The following TSPAN9 variants were observed in gnomAD, a reference collection of about 807,000 sequenced individuals.
TSPAN9 encodes the protein tetraspanin 9.
TSPAN9 carries 16 observed loss-of-function variants against 31.0 expected under a neutral mutation model. The observed-to-expected ratio is 0.52, with a 90% CI of 0.35 to 0.78. TSPAN9 has a LOEUF of 0.78. Among genes scored for constraint, TSPAN9 ranks in the 30% least tolerant of loss-of-function variants. TSPAN9 has a pLI of 0.01. For synonymous variants in TSPAN9, 145 were observed against 121.6 expected, an observed-to-expected ratio of 1.19 and a Z score of -1.27; for missense variants, 272 against 312.5, an observed-to-expected ratio of 0.87 and a Z score of 0.98.
chr12:3,220,076 C>T (rs528801632), intron 3 of TSPAN9, among the ~76,000 whole-genome samples: 2 of 149,886 alleles, frequency 1.3e-5, no homozygotes, highest in African/African-American at 2.5e-5. Context: ...ACCCGGGAGG[C>T]GGAAGTTGCA....
rs565744792 is a variant in TSPAN9 at position 3,122,088 on chromosome 12, C to T, written c.-18+38369C>T. Among the ~76,000 whole-genome samples, 228 of 152,260 alleles carry T rather than the reference C, an allele frequency of 1.5e-3. 1 individual carries two copies. Among genetic ancestry groups the T allele is most frequent in the African/African-American group, 5.2e-3 (218 of 41,572 alleles). Reference sequence around the variant, plus strand: ...GCGTGGCTCACGCCTGTAATCCCAGCACTTTGGGAGGCCGAGGCAGGCAGA... The same window carrying T: ...GCGTGGCTCACGCCTGTAATCCCAGTACTTTGGGAGGCCGAGGCAGGCAGA... On this transcript the variant is annotated intron_variant, in intron 2 of 8. Transcript: ENST00000011898.
At chr12:3,140,504 AT>A (rs1303940389) in intron 2 of TSPAN9, among the ~76,000 whole-genome samples, 1 of 152,160 alleles carries the variant, frequency 6.6e-6, no homozygotes, top group Non-Finnish European at 1.5e-5. Context: ...TGCCCTCTGC[AT>A]CCCAGGCCTG....
At chr12:3,200,625 C>T (rs1321269533) in intron 2 of TSPAN9, 1 of 152,404 alleles carries the variant, frequency 6.6e-6, no homozygotes, top group Non-Finnish European at 1.5e-5. Context: ...ATTGCAGCCT[C>T]CCCAAAGACG....
At chr12:3,129,162 A>G (rs1428810423) in intron 2 of TSPAN9, among the ~76,000 whole-genome samples, 1 of 151,924 alleles carries the variant, frequency 6.6e-6, no homozygotes, top group African/African-American at 2.4e-5. Context: ...TTGCCCTTTT[A>G]CCCAGTGATG....
intron 2 of TSPAN9, among the ~76,000 whole-genome samples, chr12:3,154,054 CTCTA>C (rs770297435): frequency 5.3e-5 from 8 of 151,626 alleles, no homozygotes; most frequent in Non-Finnish European, 1.2e-4. Context: ...GTGGATGTAT[CTCTA>C]TCTGTTTCTC....
At chr12:3,271,656 C>CT (rs1418269148) in intron 3 of TSPAN9, among the ~76,000 whole-genome samples, 1 of 152,104 alleles carries the variant, frequency 6.6e-6, no homozygotes, top group Non-Finnish European at 1.5e-5. Context: ...TGTGGTCCTC[C>CT]TACCTGCTGG....
At chr12:3,197,649 TCACCAGCACAAGTCAC>T (rs1420860701) in intron 2 of TSPAN9, among the ~76,000 whole-genome samples, 19 of 151,900 alleles carry the variant, frequency 1.3e-4, no homozygotes, top group African/African-American at 3.9e-4. Context: ...GGCTGCAGGT[TCACCAGCACAAGTCAC>T]CACCAGCACA....
intron 3 of TSPAN9, among the ~76,000 whole-genome samples, chr12:3,226,734 GTGTGTGTGTGTATATATATA>G (rs2098387566): frequency 7.0e-5 from 1 of 14,306 alleles, no homozygotes; most frequent in African/African-American, 2.4e-4. Context: ...GTGTGTGTGT[GTGTGTGTGTGTATATATATA>G]TATATATATA....
chr12:3,216,513 G>A (rs1008031283), intron 3 of TSPAN9, among the ~76,000 whole-genome samples: 1 of 152,228 alleles, frequency 6.6e-6, no homozygotes, highest in Non-Finnish European at 1.5e-5. Flanking sequence ...CCGTCTCAAA[G>A]CACCCAAAGC....
intron 2 of TSPAN9, among the ~76,000 whole-genome samples, chr12:3,096,125 G>A (rs996396204): frequency 4.6e-5 from 7 of 152,298 alleles, no homozygotes; most frequent in African/African-American, 1.7e-4. Context: ...GTCGGGCGGC[G>A]GCGGCTGCCG....
chr12:3,095,688 T>A (rs1305772918), intron 2 of TSPAN9, among the ~76,000 whole-genome samples: 15 of 145,872 alleles, frequency 1.0e-4, no homozygotes, highest in South Asian at 4.4e-4. Context: ...GGCTCCTCAC[T>A]TCCCAGATGG....
chr12:3,210,489 A>G (rs1290558986), intron 3 of TSPAN9, among the ~76,000 whole-genome samples: 1 of 152,066 alleles, frequency 6.6e-6, no homozygotes, highest in African/African-American at 2.4e-5. Flanking sequence ...TCTTTTGTTC[A>G]TTTTTTATTG....
intron 3 of TSPAN9, among the ~76,000 whole-genome samples, chr12:3,270,694 T>G (rs1254347028): frequency 6.6e-6 from 1 of 152,250 alleles, no homozygotes; most frequent in East Asian, 1.9e-4. Context: ...GACTGGGCAT[T>G]TATCCCACCA....
At chr12:3,243,467 A>G (rs1217193559) in intron 3 of TSPAN9, among the ~76,000 whole-genome samples, 1 of 152,074 alleles carries the variant, frequency 6.6e-6, no homozygotes, top group Non-Finnish European at 1.5e-5. Flanking sequence ...GCTCTGTCTG[A>G]CTCAAGCCCC....
At chr12:3,095,499 A>C (rs576153958) in intron 2 of TSPAN9, among the ~76,000 whole-genome samples, 4 of 66,462 alleles carry the variant, frequency 6.0e-5, no homozygotes, top group South Asian at 6.2e-4. Flanking sequence ...CGGGCGGGGG[A>C]CTGACCCCCC....
chr12:3,229,432 CT>C (rs1439811958), intron 3 of TSPAN9, among the ~76,000 whole-genome samples: 1 of 152,254 alleles, frequency 6.6e-6, no homozygotes, highest in Non-Finnish European at 1.5e-5. Flanking sequence ...TCATTTCACT[CT>C]TGTGTGGCTT....
At chr12:3,206,014 G>C (rs2098374955) in intron 3 of TSPAN9, among the ~76,000 whole-genome samples, 1 of 152,204 alleles carries the variant, frequency 6.6e-6, no homozygotes, top group Non-Finnish European at 1.5e-5. Context: ...GAGGCGGGTA[G>C]AGAAGAGAAA....
intron 3 of TSPAN9, among the ~76,000 whole-genome samples, chr12:3,240,852 G>A (rs1422559353): frequency 6.6e-6 from 1 of 152,126 alleles, no homozygotes; most frequent in African/African-American, 2.4e-5. Flanking sequence ...AATTAGGTCT[G>A]TATAAAAAAA....
At chr12:3,181,132 G>A (rs775640420) in intron 2 of TSPAN9, among the ~76,000 whole-genome samples, 8 of 152,132 alleles carry the variant, frequency 5.3e-5, no homozygotes, top group Admixed American at 2.0e-4. Flanking sequence ...ATGTGCGAGC[G>A]GCTGGCGCCC....
Sources: allele counts gnomAD v4.1 joint callset (sites outside exome capture counted in the v4.1 genomes callset), GRCh38; gene constraint gnomAD v4.1.1; transcripts MANE v1.5; gene names NCBI Gene and HGNC (gene_info 2026-07-23, HGNC 2026-07-21).